SHF: variants seen among roughly 807,000 people sequenced by gnomAD.
SHF encodes Src homology 2 domain containing F, also known as SH2 domain-containing adapter protein F.
In SHF, 30 loss-of-function variants were observed where a neutral mutation model predicts 42.4. That is an observed-to-expected ratio of 0.71 (90% CI 0.53 to 0.96). The LOEUF (loss-of-function observed/expected upper bound fraction) is 0.96, where lower values mean the gene tolerates loss of function less well. Ranked by LOEUF, SHF falls within the 40% of genes least tolerant of loss-of-function variation. The pLI, the probability that SHF is intolerant of heterozygous loss-of-function variation, is 0.00. For synonymous variants in SHF, 264 were observed against 269.9 expected, an observed-to-expected ratio of 0.98 and a Z score of 0.21; for missense variants, 598 against 634.0, an observed-to-expected ratio of 0.94 and a Z score of 0.61.
At chr15:45,200,390 T>TTGCCG (rs1474652854) in intron 1 of SHF, 4 of 215,556 alleles carry the variant, frequency 1.9e-5, no homozygotes, top group East Asian at 1.0e-4. Context: ...CAAACTCCCC[T>TTGCCG]TGCCGTGCCA....
intron 2 of SHF, 34 bp from the exon 3 acceptor site, chr15:45,175,459 G>C (rs745585371): frequency 6.4e-7 from 1 of 1,550,718 alleles, no homozygotes; most frequent in Non-Finnish European, 8.7e-7. Context: ...AAAGGTGAGG[G>C]TTCAGCCTTG....
intron 2 of SHF, among the ~76,000 whole-genome samples, chr15:45,196,545 G>C (rs1024994637): frequency 6.6e-6 from 1 of 152,058 alleles, no homozygotes; most frequent in African/African-American, 2.4e-5. Flanking sequence ...GCATTTCATC[G>C]AAGCCCCAAG....
chr15:45,171,805 T>G (rs909418184), intron 6 of SHF, 78 bp downstream of exon 6: 67 of 1,481,538 alleles, frequency 4.5e-5, no homozygotes, highest in Non-Finnish European at 6.1e-5. Context: ...CTCCCCAGCT[T>G]GGTTGGGCAT....
intron 6 of SHF, among the ~76,000 whole-genome samples, chr15:45,169,588 G>A (rs185876651): frequency 6.6e-6 from 1 of 152,358 alleles, no homozygotes; most frequent in East Asian, 1.9e-4. Context: ...AGCAGCATGG[G>A]CCCTGCTTTC....
chr15:45,187,905 C>T lies in SHF; in HGVS notation c.47G>A (p.Arg16Gln). ...APPAGSRPGP[R>Q]TQGSAGGGPG... ...GCCGCCCCCAGCGCTCCCCTGCGTTCGCGGCCCCGGGCGGGAGCCAGCCGG... is the reference window on the plus strand; with the variant it reads ...GCCGCCCCCAGCGCTCCCCTGCGTTTGCGGCCCCGGGCGGGAGCCAGCCGG... The change falls in exon 1 of 7, where the codon CGA becomes CAA. Residue 16 changes from arginine (R) to glutamine (Q), a missense_variant. By Grantham distance (43) the Arg-to-Gln change is conservative (BLOSUM62 1). This residue lies in a region of SHF where 159 missense variants were observed against 109.3 expected (regional missense o/e 1.45). Transcript: ENST00000690270. 1 of 1,181,612 alleles carries T rather than the reference C, an allele frequency of 8.5e-7. No individual in the cohort carries two copies. The highest frequency in any genetic ancestry group is 1.0e-6 in the Non-Finnish European group (1 of 955,664). 73.2% of individuals were successfully genotyped at this position (1,181,612 alleles called of 1,614,324 possible). A position where few individuals can be genotyped will look rare whatever the true frequency, so the allele number is the denominator to read the frequency against.
intron 6 of SHF, among the ~76,000 whole-genome samples, chr15:45,168,888 C>A (rs1224273028): frequency 1.3e-5 from 2 of 152,172 alleles, no homozygotes; most frequent in African/African-American, 2.4e-5. Context: ...AAGACAAGGA[C>A]CCCACTGCTC....
intron 6 of SHF, 85 bp from the exon 7 acceptor site, chr15:45,168,218 C>A: frequency 7.4e-7 from 1 of 1,343,582 alleles, no homozygotes; most frequent in Admixed American, 2.7e-5. Flanking sequence ...CCCAACCCTA[C>A]AGCAAATGTG....
chr15:45,173,450 C>T, intron 4 of SHF, 126 bp downstream of exon 4: 1 of 1,365,518 alleles, frequency 7.3e-7, no homozygotes, highest in Non-Finnish European at 9.5e-7. Context: ...TCTCTTCCTT[C>T]TTCCCAAATG....
At chr15:45,192,763 T>C (rs1465008332), upstream of SHF, among the ~76,000 whole-genome samples, 1 of 152,222 alleles carries the variant, frequency 6.6e-6, no homozygotes, top group Non-Finnish European at 1.5e-5. Context: ...ATTCTTTTGT[T>C]GCTAGTTTGT....
rs1356982415 is a variant in SHF at position 45,173,617 on chromosome 15, G to A, written c.947C>T (p.Pro316Leu). ...GCTGGGCTCAGGGAGGGGCGAGGCT[G>A]GACCGGAGATGTCCCTGTCCCCATC... is the stretch of plus-strand genomic sequence containing the variant. ...LPDGDRDISG[P>L]ASPLPEPSLE... The change falls in exon 4 of 7, where the codon CCA becomes CTA. Residue 316 changes from proline to leucine, a missense_variant. Coordinates refer to ENST00000690270, the MANE Select transcript of SHF (RefSeq NM_001394037.1). 6.5e-7 allele frequency: 1 copy of A among 1,549,210 alleles called. No homozygotes were observed. The highest frequency in any genetic ancestry group is 2.0e-5 in the Admixed American group (1 of 50,908).
Position 45,187,770 on chromosome 15 carries a change from C to T in SHF, c.182G>A (p.Gly61Asp). The change falls in exon 1 of 7, where the codon GGC becomes GAC. Residue 61 changes from glycine (G) to aspartate (D), a missense_variant. Physicochemically the swap from Gly to Asp is moderately conservative, Grantham distance 94 (BLOSUM62 -1). Transcript: ENST00000690270. ...CGGCTTGCTGCCCCCTCCGCCGCCG[C>T]CCCCCCCGCGGAAGCCCAGGTGCTC... ...LREHLGFRGG[G>D]GGGGGSKPAP... 1.1e-6 allele frequency: 1 copy of T among 883,022 alleles called. No homozygotes were observed. Among genetic ancestry groups the T allele is most frequent in the Non-Finnish European group, 1.5e-6 (1 of 680,678 alleles). The allele number at this position is 883,022 out of a possible 1,614,324, so 54.7% of individuals were successfully genotyped here. A position where few individuals can be genotyped will look rare whatever the true frequency, so the allele number is the denominator to read the frequency against.
intron 2 of SHF, among the ~76,000 whole-genome samples, chr15:45,194,810 A>T (rs530072455): frequency 6.6e-6 from 1 of 152,166 alleles, no homozygotes; most frequent in Non-Finnish European, 1.5e-5. Context: ...ATGGTATTTT[A>T]AAATTGACTT....
chr15:45,175,256 C>T lies in SHF; in HGVS notation c.810G>A (p.Trp270Ter). ...TGGAAATCCGCTCCTTCTTCCACTCCCAGGGCTGGTCATACTCCTCAGGGG... is the reference window on the plus strand; with the variant it reads ...TGGAAATCCGCTCCTTCTTCCACTCTCAGGGCTGGTCATACTCCTCAGGGG... ...ERPPEEYDQP[W>*]EWKKERISKA... Residue 270 changes from tryptophan (W) to a stop codon, truncating the protein, a stop_gained, in exon 3 of 7, where the codon TGG becomes TGA. Coordinates refer to ENST00000690270, the MANE Select transcript of SHF (RefSeq NM_001394037.1). LOFTEE classifies it high-confidence loss of function. The T allele has an allele frequency of 6.2e-7, 1 of 1,612,032 alleles. No homozygotes were observed. The highest frequency in any genetic ancestry group is 1.3e-5 in the African/African-American group (1 of 74,972).
At chr15:45,193,778 G>T (rs866831491) in intron 2 of SHF, among the ~76,000 whole-genome samples, 1 of 152,134 alleles carries the variant, frequency 6.6e-6, no homozygotes, top group South Asian at 2.1e-4. Flanking sequence ...CCTTATGCAG[G>T]CTTCATGCAG....
chr15:45,169,920 A>C (rs979175492), intron 6 of SHF, among the ~76,000 whole-genome samples: 1 of 152,250 alleles, frequency 6.6e-6, no homozygotes, highest in Non-Finnish European at 1.5e-5. Context: ...TTTAATTACC[A>C]GTGAAAGCTC....
chr15:45,187,575 C>A lies in SHF; in HGVS notation c.377G>T (p.Gly126Val), dbSNP rs1291758357. The change falls in exon 1 of 7, where the codon GGA becomes GTA. Residue 126 changes from glycine (G) to valine (V), a missense_variant. Around this residue, in one of 2 missense-constraint regions of SHF, gnomAD observed 439 missense variants for 524.6 expected, o/e 0.84. Transcript: ENST00000690270. The stretch of plus-strand genomic sequence containing the variant: ...GCCGTGGCGCGGGGGCGGCGTGGGT[C>A]CGGGGGCGACAGGGGTGGCGAGGGC... ...SAALATPVAP[G>V]PTPPPRHGSP... 8.1e-7 allele frequency: 1 copy of A among 1,229,758 alleles called. No individual in the cohort carries two copies. The highest frequency in any genetic ancestry group is 1.0e-6 in the Non-Finnish European group (1 of 986,460). The allele number at this position is 1,229,758 out of a possible 1,614,324, so 76.2% of individuals were successfully genotyped here.
intron 4 of SHF, 76 bp from the exon 5 acceptor site, chr15:45,172,394 C>A: frequency 2.1e-6 from 3 of 1,401,664 alleles, no homozygotes; most frequent in East Asian, 2.4e-5. Context: ...AGCCAGTGCC[C>A]AACCCCTACT....
At chr15:45,178,916 A>C (rs764459402) in intron 1 of SHF, among the ~76,000 whole-genome samples, 1 of 152,232 alleles carries the variant, frequency 6.6e-6, no homozygotes, top group Non-Finnish European at 1.5e-5. Flanking sequence ...ACTGGGCCAT[A>C]GGGCCTGCCT....
At chr15:45,169,637 T>A (rs1897370904) in intron 6 of SHF, among the ~76,000 whole-genome samples, 1 of 152,250 alleles carries the variant, frequency 6.6e-6, no homozygotes, top group Non-Finnish European at 1.5e-5. Flanking sequence ...CCCTTCTCCC[T>A]TAGTCCACCT....
Sources: allele counts gnomAD v4.1 joint callset (sites outside exome capture counted in the v4.1 genomes callset), GRCh38; gene constraint gnomAD v4.1.1; regional missense constraint gnomAD v4.1.1; transcripts MANE v1.5; gene names NCBI Gene and HGNC (gene_info 2026-07-23, HGNC 2026-07-21).